Variants in MLLT1 observed in about 807,000 individuals in gnomAD.
MLLT1 encodes MLLT1 super elongation complex subunit.
MLLT1 carries 11 observed loss-of-function variants against 55.1 expected under a neutral mutation model. The observed-to-expected ratio is 0.20, with a 90% CI of 0.13 to 0.33. MLLT1 has a LOEUF of 0.33. Among genes scored for constraint, MLLT1 ranks in the 10% least tolerant of loss-of-function variants. The probability of loss-of-function intolerance (pLI) is 1.00; values close to 1 mark genes in which losing one functional copy is unlikely to be tolerated. For missense variants in MLLT1, 536 were observed against 760.6 expected, an observed-to-expected ratio of 0.70 and a Z score of 3.47; for synonymous variants, 323 against 320.1, an observed-to-expected ratio of 1.01 and a Z score of -0.10.
chr19:6,278,309 TG>T (rs2091437885), intron 1 of MLLT1, among the ~76,000 whole-genome samples: 1 of 151,860 alleles, frequency 6.6e-6, no homozygotes, highest in East Asian at 1.9e-4. Flanking sequence ...GGTAGGGGCT[TG>T]GGTATTGGAG....
chr19:6,254,558 G>A (rs777434368), intron 3 of MLLT1, among the ~76,000 whole-genome samples: 4 of 152,216 alleles, frequency 2.6e-5, no homozygotes, highest in Non-Finnish European at 5.9e-5. Context: ...TCCAGGTCGT[G>A]GATGACATCA....
Position 6,213,087 on chromosome 19 carries a change from G to T in MLLT1, c.1635C>A (p.Thr545=). 1 of 1,613,942 alleles carries T rather than the reference G, an allele frequency of 6.2e-7. No individual in the cohort carries two copies. Among genetic ancestry groups the T allele is most frequent in the Non-Finnish European group, 8.5e-7 (1 of 1,179,864 alleles). ...GGCAGCTCTGCAGTTTGCGCACGGTGGTCTCGTCCAGGGAGAAGAGGTCGA... is the reference window on the plus strand; with the variant it reads ...GGCAGCTCTGCAGTTTGCGCACGGTTGTCTCGTCCAGGGAGAAGAGGTCGA... ...FDFDLFSLDE[T]TVRKLQSCLE... is the part of the protein sequence containing the mutation. Residue 545 remains threonine (T), a synonymous_variant, in exon 12 of 12, where the codon ACC becomes ACA. Coordinates refer to ENST00000252674, the MANE Select transcript of MLLT1 (RefSeq NM_005934.4).
At chr19:6,239,291 C>G (rs998115051) in intron 3 of MLLT1, among the ~76,000 whole-genome samples, 3 of 152,230 alleles carry the variant, frequency 2.0e-5, no homozygotes, top group Non-Finnish European at 4.4e-5. Flanking sequence ...TGAAATCCCA[C>G]GTCCAGGATG....
chr19:6,221,655 GC>G (rs2090897741), intron 6 of MLLT1, among the ~76,000 whole-genome samples: 1 of 152,200 alleles, frequency 6.6e-6, no homozygotes, highest in South Asian at 2.1e-4. Flanking sequence ...ATGGCTAGGG[GC>G]TGTCTGAAGC....
intron 3 of MLLT1, among the ~76,000 whole-genome samples, chr19:6,259,969 G>A (rs2091290243): frequency 6.6e-6 from 1 of 152,150 alleles, no homozygotes; most frequent in South Asian, 2.1e-4. Flanking sequence ...ACCCAACTAT[G>A]TTACCATGGG....
intron 1 of MLLT1, among the ~76,000 whole-genome samples, chr19:6,278,877 T>A (rs1209279419): frequency 6.6e-6 from 1 of 152,038 alleles, no homozygotes; most frequent in Non-Finnish European, 1.5e-5. Context: ...AGAAGGGGGC[T>A]GAGGCGGCAG....
intron 3 of MLLT1, among the ~76,000 whole-genome samples, chr19:6,237,763 C>CAAAAAAAAA (rs1269996726): frequency 1.4e-5 from 1 of 71,766 alleles, no homozygotes; most frequent in African/African-American, 4.8e-5. Context: ...ACTCTTGTCT[C>CAAAAAAAAA]AAAAAAAAAA....
At chr19:6,216,048 A>G (rs574271134) in intron 8 of MLLT1, among the ~76,000 whole-genome samples, 6 of 152,216 alleles carry the variant, frequency 3.9e-5, no homozygotes, top group African/African-American at 1.2e-4. Context: ...TCCTGGCCCA[A>G]GAGCAGAGAA....
At chr19:6,233,246 G>T (rs1280402418) in intron 3 of MLLT1, among the ~76,000 whole-genome samples, 1 of 152,250 alleles carries the variant, frequency 6.6e-6, no homozygotes. Context: ...GGCCCAGCTA[G>T]TAACACAGTT....
At chr19:6,214,609 T>G (rs1178440889) in intron 8 of MLLT1, among the ~76,000 whole-genome samples, 4 of 152,248 alleles carry the variant, frequency 2.6e-5, no homozygotes, top group African/African-American at 7.2e-5. Context: ...GGGGCAGGTC[T>G]TTGACCTCTG....
rs182374759 is a variant in MLLT1 at position 6,261,887 on chromosome 19, C to G, written c.276+341G>C. Among the ~76,000 whole-genome samples the G allele has an allele frequency of 1.5e-3, 233 of 152,270 alleles. 2 individuals are homozygous for G. Among genetic ancestry groups the G allele is most frequent in the Non-Finnish European group, 2.7e-3 (187 of 68,016 alleles). ...ATTTCCTGATCTCAGTCACTACACA[C>G]GGCCCGGTTATTAACCCTCTAGGAC... On this transcript the variant is annotated intron_variant, in intron 3 of 11. Transcript: ENST00000252674.
chr19:6,249,009 T>G (rs989159058), intron 3 of MLLT1, among the ~76,000 whole-genome samples: 4 of 152,218 alleles, frequency 2.6e-5, no homozygotes, highest in African/African-American at 9.6e-5. Context: ...TGGAGCAGCT[T>G]GGGTGTGTGA....
At chr19:6,213,240 G>A in intron 11 of MLLT1, 70 bp from the exon 12 acceptor site, 1 of 1,610,172 alleles carries the variant, frequency 6.2e-7, no homozygotes, top group Non-Finnish European at 8.5e-7. Flanking sequence ...CCCTAACAGA[G>A]GTAGGGGCTC....
rs928827048 is a variant in MLLT1 at position 6,265,038 on chromosome 19, C to CAAAAAAAAAAAAAAAA, written c.194-2729_194-2728insTTTTTTTTTTTTTTTT. Among the ~76,000 whole-genome samples the CAAAAAAAAAAAAAAAA allele has an allele frequency of 8.0e-4, 17 of 21,190 alleles. 1 individual carries two copies. The highest frequency in any genetic ancestry group is 1.5e-3 in the South Asian group (1 of 686). The allele number at this position is 21,190 out of a possible 152,430, so 13.9% of individuals were successfully genotyped here. Reference sequence around the variant, plus strand: ...AAATGTCACAAAACATAGTGAACAGCAAAAAAAAAACAAAAAAACAAAAAA... The same window carrying CAAAAAAAAAAAAAAAA: ...AAATGTCACAAAACATAGTGAACAGCAAAAAAAAAAAAAAAAAAAAAAAAAACAAAAAAACAAAAAA... On this transcript the variant is annotated intron_variant, in intron 2 of 11. Transcript: ENST00000252674.
rs534355683 is a variant in MLLT1 at position 6,229,021 on chromosome 19, C to T, written c.420+1549G>A. On this transcript the variant is annotated intron_variant, in intron 4 of 11. Transcript: ENST00000252674. The surrounding 1 kb of genome is among the most constrained non-coding windows in gnomAD (Gnocchi z 5.2). ...GAGACGATGCCCTCAGAGCCTTCAT[C>T]GCTGTGGAGCAAAGGAAGCCGCCTC... Among the ~76,000 whole-genome samples, 131 of 152,296 alleles carry T rather than the reference C, an allele frequency of 8.6e-4. 2 individuals carry two copies. The highest frequency in any genetic ancestry group is 1.6e-3 in the Non-Finnish European group (108 of 68,000).
Position 6,211,339 on chromosome 19 carries a change from A to G in MLLT1, c.*1703T>C. 1 of 232,822 alleles carries G rather than the reference A, an allele frequency of 4.3e-6. No individual in the cohort carries two copies. The highest frequency in any genetic ancestry group is 8.5e-6 in the Non-Finnish European group (1 of 117,600). The allele number at this position is 232,822 out of a possible 1,614,324, so 14.4% of individuals were successfully genotyped here. ...CGGGAGAGAAACAGAGCAGGTGGCG[A>G]GGAGTCCCGGAGGCTTCCTCCGAAG... On this transcript the variant is annotated 3_prime_UTR_variant, in exon 12 of 12. Coordinates refer to ENST00000252674, the MANE Select transcript of MLLT1 (RefSeq NM_005934.4). The surrounding 1 kb of genome is among the most constrained non-coding windows in gnomAD (Gnocchi z 4.6).
In MLLT1 at chr19:6,262,034, C is replaced by A. The variant is rs1327552916; in HGVS notation, c.276+194G>T. ...ACCAAGGGACACGCCCACCTGCTGT[C>A]ATGAAACCAGCCGTGTCCTGGCCCC... On this transcript the variant is annotated intron_variant, in intron 3 of 11. Transcript: ENST00000252674. This position sits in a 1 kb window ranked among gnomAD's most constrained non-coding sequence, Gnocchi z 4.4. 6.6e-6 allele frequency among the ~76,000 whole-genome samples: 1 copy of A among 152,190 alleles called. No homozygotes were observed. The highest frequency in any genetic ancestry group is 2.4e-5 in the African/African-American group (1 of 41,432).
At chr19:6,241,320 TCCAGGGCG>T (rs1354125138) in intron 3 of MLLT1, among the ~76,000 whole-genome samples, 1 of 152,194 alleles carries the variant, frequency 6.6e-6, no homozygotes, top group Non-Finnish European at 1.5e-5. Flanking sequence ...CATTCAGGGC[TCCAGGGCG>T]CCAGGCCCCT....
chr19:6,245,498 C>T (rs1284883418), intron 3 of MLLT1, among the ~76,000 whole-genome samples: 1 of 151,802 alleles, frequency 6.6e-6, no homozygotes, highest in Admixed American at 6.6e-5. Flanking sequence ...ATCACGAGGT[C>T]AGGAGATCGA....
Sources: allele counts gnomAD v4.1 joint callset (sites outside exome capture counted in the v4.1 genomes callset), GRCh38; gene constraint gnomAD v4.1.1; non-coding constraint Gnocchi (gnomAD v3.1); transcripts MANE v1.5; gene names NCBI Gene and HGNC (gene_info 2026-07-23, HGNC 2026-07-21).